The following TRPV6 variants were observed in gnomAD, a reference collection of about 807,000 sequenced individuals.
The protein encoded by TRPV6 is transient receptor potential cation channel subfamily V member 6, also known as Alu-binding protein with zinc finger domain.
TRPV6 carries 39 observed loss-of-function variants against 79.0 expected under a neutral mutation model. The observed-to-expected ratio is 0.49, with a 90% CI of 0.38 to 0.64. The LOEUF (loss-of-function observed/expected upper bound fraction) is 0.64. Among genes scored for constraint, TRPV6 ranks in the 30% least tolerant of loss-of-function variants. TRPV6 has a pLI of 0.00. For synonymous variants in TRPV6, 373 were observed against 391.9 expected (o/e 0.95, Z 0.57); for missense variants, 813 against 1,011.1 (o/e 0.80, Z 2.66).
chr7:142,881,487 C>T (rs910552901), intron 1 of TRPV6: 1 of 152,192 alleles, frequency 6.6e-6, no homozygotes, highest in African/African-American at 2.4e-5. Context: ...TCACTAAATA[C>T]TCAACTAAGG....
rs747241099 is a variant in TRPV6, at chr7:142,875,855, C to T, written c.932G>A (p.Gly311Glu). Reference sequence around the variant, plus strand: ...GTCATAGAGAGTCGAGGTCAGTGGTCCATACGTCCACTGGGTGTGCTTCCG... The same window carrying T: ...GTCATAGAGAGTCGAGGTCAGTGGTTCATACGTCCACTGGGTGTGCTTCCG... Residue 311 changes from glycine to glutamate, a missense_variant, in exon 7 of 15, where the codon GGA becomes GAA. Gly to Glu is a moderately conservative substitution (Grantham distance 98). Transcript: ENST00000359396. 9 of 1,608,048 alleles carry T rather than the reference C, an allele frequency of 5.6e-6. No homozygotes were observed. In the South Asian group the frequency reaches 1.0e-4, roughly 18 times the overall value.
At chr7:142,878,552 C>T (rs4987647) in intron 1 of TRPV6, 30,182 of 162,624 alleles carry the variant, frequency 0.19, 5,938 homozygotes, top group African/African-American at 0.51. Flanking sequence ...TCTGCCTACT[C>T]AACCTTCTCA....
At chr7:142,882,315 A>G (rs1250991072) in intron 1 of TRPV6, 1 of 152,186 alleles carries the variant, frequency 6.6e-6, no homozygotes, top group East Asian at 1.9e-4. Flanking sequence ...ACAACCTTCT[A>G]ACACCAGCTG....
In TRPV6 at chr7:142,875,626, T is replaced by G; in HGVS notation, c.1084A>C (p.Lys362Gln). The change falls in exon 8 of 15, where the codon AAG (lysine) becomes CAG (glutamine). Residue 362 changes from lysine to glutamine, a missense_variant. Physicochemically the swap from Lys to Gln is moderately conservative, Grantham distance 53. Around this residue, in one of 3 missense-constraint regions of TRPV6, gnomAD observed 555 missense variants for 631.0 expected, o/e 0.88. Transcript: ENST00000359396. ...CAGAAGTACGGCCGCCCGTACCGCT[T>G]CCACTTGAGGCTCACCAGCTCCTTC... is the stretch of plus-strand genomic sequence containing the variant. 6.2e-7 allele frequency: 1 copy of G among 1,613,786 alleles called. No individual in the cohort carries two copies. Among genetic ancestry groups the G allele is most frequent in the Non-Finnish European group, 8.5e-7 (1 of 1,179,940 alleles).
In TRPV6 at chr7:142,877,285, C is replaced by T. The variant is rs1795095555; in HGVS notation, c.470-6G>A. 6.2e-7 allele frequency: 1 copy of T among 1,613,002 alleles called. No homozygotes were observed. Among genetic ancestry groups the T allele is most frequent in the African/African-American group, 1.3e-5 (1 of 75,040 alleles). On this transcript the variant is annotated splice_region_variant and splice_polypyrimidine_tract_variant and intron_variant, in intron 3 of 14. Coordinates refer to ENST00000359396, the MANE Select transcript of TRPV6 (RefSeq NM_018646.6). ...GATGTGCAGTGCAGTCTGACCTGGC[C>T]CAGAGACAGCTGTCAGTCACGGGTC...
Position 142,877,255 on chromosome 7 carries a change from A to G in TRPV6, c.494T>C (p.Val165Ala). 6.2e-7 allele frequency: 1 copy of G among 1,614,220 alleles called. No individual in the cohort carries two copies. The highest frequency in any genetic ancestry group is 8.5e-7 in the Non-Finnish European group (1 of 1,180,018). ...CACCAGGTTCATGTTCTGGTTCACA[A>G]CAGCGATGTGCAGTGCAGTCTGACC... is the stretch of plus-strand genomic sequence containing the variant. The change falls in exon 4 of 15, where the codon GTT (valine) becomes GCT (alanine). Residue 165 changes from valine (V) to alanine (A), a missense_variant. By Grantham distance (64) the Val-to-Ala change is moderately conservative (BLOSUM62 0). Transcript: ENST00000359396.
chr7:142,885,542 G>A lies in TRPV6; in HGVS notation c.95C>T (p.Ala32Val), dbSNP rs866538902. The A allele has an allele frequency of 2.5e-6, 4 of 1,587,544 alleles. No individual in the cohort carries two copies. Among genetic ancestry groups the A allele is most frequent in the Non-Finnish European group, 3.4e-6 (4 of 1,165,254 alleles). ...GGGGTGTAGGGCCGGCTCCTTGGGG[G>A]CCTGAGGCCGAGGCCAGACCCTGAC... Residue 32 changes from alanine (A) to valine (V), a missense_variant, in exon 1 of 15, where the codon GCC becomes GTC. Ala to Val is a moderately conservative substitution (Grantham distance 64). This residue lies in a region of TRPV6 where 555 missense variants were observed against 631.0 expected (regional missense o/e 0.88). Coordinates refer to ENST00000359396, the MANE Select transcript of TRPV6 (RefSeq NM_018646.6).
chr7:142,880,260 C>T (rs1428851201), intron 1 of TRPV6: 1 of 152,242 alleles, frequency 6.6e-6, no homozygotes, highest in Non-Finnish European at 1.5e-5. Flanking sequence ...TCTAGATACC[C>T]TAGACTGAGG....
rs769594595 is a variant in TRPV6 at position 142,885,378 on chromosome 7, G to A, written c.248+11C>T. On this transcript the variant is annotated intron_variant, in intron 1 of 14. Coordinates refer to ENST00000359396, the MANE Select transcript of TRPV6 (RefSeq NM_018646.6). ...GGAGGTGGGGAAGGGAGCAGACCAA[G>A]GGGGCCTTACCTCTTCTGCTGCAGC... The A allele has an allele frequency of 6.8e-6, 11 of 1,608,072 alleles. No individual in the cohort carries two copies. The highest frequency in any genetic ancestry group is 2.2e-5 in the South Asian group (2 of 90,228).
intron 8 of TRPV6, 105 bp downstream of exon 8, chr7:142,875,363 G>T: frequency 7.4e-7 from 1 of 1,344,412 alleles, no homozygotes; most frequent in Non-Finnish European, 1.0e-6. Flanking sequence ...ATATATTTGA[G>T]ATTAGAGCAA....
In TRPV6 at chr7:142,874,792, C is replaced by A. The variant is rs796961016; in HGVS notation, c.1406+112G>T. The A allele has an allele frequency of 3.2e-6, 5 of 1,548,224 alleles. No individual in the cohort carries two copies. In the African/African-American group the frequency reaches 6.8e-5, roughly 21 times the overall value. On this transcript the variant is annotated intron_variant, in intron 10 of 14. Transcript: ENST00000359396. ...CACTCAATGCCCAGGGTCATACACA[C>A]AGCACTAGAGAGGGGGCTCTGGAGC...
chr7:142,874,387 G>T, intron 11 of TRPV6, 104 bp downstream of exon 11: 1 of 1,439,814 alleles, frequency 6.9e-7, no homozygotes, highest in Non-Finnish European at 9.7e-7. Context: ...GAGGCCATGT[G>T]TGGCTTGCAG....
Position 142,875,265 on chromosome 7 carries a change from A to G in TRPV6, c.1243-101T>C, listed in dbSNP as rs1486819570. On this transcript the variant is annotated intron_variant, in intron 8 of 14. Transcript: ENST00000359396. ...CACCAGTCTTAGCAGATTCTTTTTA[A>G]TCTGTTAGGTTTGGGTCTTCTCAAA... 7 of 1,443,186 alleles carry G rather than the reference A, an allele frequency of 4.9e-6. No individual in the cohort carries two copies. The African/African-American group carries it at 7.2e-5, about 15-fold the overall frequency. The allele number at this position is 1,443,186 out of a possible 1,614,324, so 89.4% of individuals were successfully genotyped here.
At chr7:142,881,162 C>G (rs1227499053) in intron 1 of TRPV6, 1 of 152,214 alleles carries the variant, frequency 6.6e-6, no homozygotes, top group Non-Finnish European at 1.5e-5. Flanking sequence ...CCTGACTCTC[C>G]TTGGGTCCCT....
intron 3 of TRPV6, 186 bp from the exon 4 acceptor site, chr7:142,877,465 C>T: frequency 6.9e-7 from 1 of 1,441,842 alleles, no homozygotes; most frequent in Non-Finnish European, 9.3e-7. Context: ...AGGCCCCTGG[C>T]ATTTCAGGGG....
At chr7:142,877,612 G>A (rs1247019468) in intron 3 of TRPV6, 39 bp downstream of exon 3, 1 of 1,599,348 alleles carries the variant, frequency 6.3e-7, no homozygotes, top group African/African-American at 1.3e-5. Flanking sequence ...TACCCAACCA[G>A]TCACTCCTGC....
intron 8 of TRPV6, 107 bp from the exon 9 acceptor site, chr7:142,875,271 T>C: frequency 7.1e-7 from 1 of 1,402,112 alleles, no homozygotes; most frequent in Non-Finnish European, 1.0e-6. Context: ...TTTAATCTGT[T>C]AGGTTTGGGT....
In TRPV6 at chr7:142,885,412, C is replaced by T. The variant is rs1795284353; in HGVS notation, c.225G>A (p.Glu75=). ...ACCTCTTCTGCTGCAGCAGGTTCTG[C>T]TCATCTCGGCTCTGGGCCCAGGACT... The change falls in exon 1 of 15, where the codon GAG becomes GAA. Residue 75 remains glutamate, a synonymous_variant. Coordinates refer to ENST00000359396, the MANE Select transcript of TRPV6 (RefSeq NM_018646.6). The T allele has an allele frequency of 1.2e-6, 2 of 1,613,616 alleles. No homozygotes were observed. The highest frequency in any genetic ancestry group is 2.2e-5 in the East Asian group (1 of 44,850).
At chr7:142,872,574 G>T (rs1794966782) in intron 13 of TRPV6, 96 bp from the exon 14 acceptor site, 7 of 1,227,188 alleles carry the variant, frequency 5.7e-6, no homozygotes, top group Non-Finnish European at 8.2e-6. Context: ...CAGTGGGAGA[G>T]AGTTGATAGA....
Sources: gnomAD v4.1 joint callset for allele counts on GRCh38, gnomAD v4.1.1 for gene constraint, gnomAD v4.1.1 regional missense constraint, MANE v1.5 for transcripts, NCBI Gene and HGNC (gene_info 2026-07-23, HGNC 2026-07-21) for gene names.